MBTPS1: variants seen among roughly 807,000 people sequenced by gnomAD.
MBTPS1 encodes the protein membrane bound transcription factor peptidase, site 1.
A neutral mutation model predicts 127.8 loss-of-function variants in MBTPS1; 94 were observed. The observed-to-expected ratio is 0.74, with a 90% CI of 0.62 to 0.87. MBTPS1 has a LOEUF of 0.87. MBTPS1 is among the 40% of genes least tolerant of loss of function. The probability of loss-of-function intolerance (pLI) is 0.00; values close to 1 mark genes in which losing one functional copy is unlikely to be tolerated. For synonymous variants in MBTPS1, 632 were observed against 509.4 expected (o/e 1.24, Z -3.24); for missense variants, 1,636 against 1,353.2 (o/e 1.21, Z -3.28).
intron 20 of MBTPS1, chr16:84,060,468 A>G (rs2085592824): frequency 3.8e-6 from 2 of 521,198 alleles, no homozygotes; most frequent in Non-Finnish European, 6.8e-6. Context: ...GCAGCTGCAC[A>G]CTGGGTCCTC....
intron 22 of MBTPS1, among the ~76,000 whole-genome samples, chr16:84,055,184 C>T (rs920770351): frequency 1.3e-5 from 2 of 152,182 alleles, no homozygotes; most frequent in African/African-American, 4.8e-5. Context: ...AATGTCAATA[C>T]GACTGGGCAA....
At chr16:84,105,675 AG>A (rs993815636) in intron 1 of MBTPS1, among the ~76,000 whole-genome samples, 2 of 152,150 alleles carry the variant, frequency 1.3e-5, no homozygotes, top group African/African-American at 4.8e-5. Context: ...CTGAAAGACG[AG>A]GGGGGAAGAG....
chr16:84,055,919 TG>T (rs2085514553), intron 22 of MBTPS1, 85 bp downstream of exon 22: 1 of 1,423,896 alleles, frequency 7.0e-7, no homozygotes, highest in Non-Finnish European at 9.4e-7. Context: ...AGGGAGAGTC[TG>T]GCCCGCCTCC....
intron 1 of MBTPS1, among the ~76,000 whole-genome samples, chr16:84,112,676 A>C (rs1034640721): frequency 4.0e-5 from 6 of 149,802 alleles, no homozygotes; most frequent in Non-Finnish European, 3.0e-5. Context: ...AAAACAAAAA[A>C]AAACAAAAAA....
At chr16:84,072,601 C>G (rs1014723122) in intron 12 of MBTPS1, among the ~76,000 whole-genome samples, 1 of 152,156 alleles carries the variant, frequency 6.6e-6, no homozygotes, top group Middle Eastern at 3.2e-3. Context: ...ACCATCCTGG[C>G]TAACATGGTG....
At position 84,089,033 on chromosome 16, in the gene MBTPS1, G is replaced by A. The variant is rs1447544280; in HGVS notation, c.1032-1573C>T. Among the ~76,000 whole-genome samples, 4 of 152,252 alleles carry A rather than the reference G, an allele frequency of 2.6e-5. No individual in the cohort carries two copies. The South Asian group carries it at 8.3e-4, about 32-fold the overall frequency. The stretch of plus-strand genomic sequence containing the variant: ...TGCAACCACCCACAAAAGCCACAGG[G>A]TTTCAGAACGGCAGCCAGCGTGTGA... On this transcript the variant is annotated intron_variant, in intron 8 of 22. Transcript: ENST00000343411.
chr16:84,061,907 C>A (rs1407775404), intron 19 of MBTPS1, among the ~76,000 whole-genome samples: 1 of 152,104 alleles, frequency 6.6e-6, no homozygotes, highest in Non-Finnish European at 1.5e-5. Context: ...AAGTACTTTC[C>A]TCTCATTAAA....
At chr16:84,086,930 A>G (rs1199632392) in intron 9 of MBTPS1, among the ~76,000 whole-genome samples, 1 of 152,138 alleles carries the variant, frequency 6.6e-6, no homozygotes, top group Non-Finnish European at 1.5e-5. Context: ...AGCAGAGTTG[A>G]TATTAAGCTG....
In MBTPS1 at chr16:84,059,316, G is replaced by C. The variant is rs145259105; in HGVS notation, c.2817C>G (p.Asn939Lys). The change falls in exon 21 of 23, where the codon AAC (asparagine) becomes AAG (lysine). Residue 939 changes from asparagine (N) to lysine (K), a missense_variant. Coordinates refer to ENST00000343411, the MANE Select transcript of MBTPS1 (RefSeq NM_003791.4). ...RLSWAKPQPL[N>K]ETAPSNLWKH... ...CGGACACTAACCTGGGCGCCGTCTC[G>C]TTTAAAGGCTGTGGCTTGGCCCAAG... 5.6e-6 allele frequency: 9 copies of C among 1,613,914 alleles called. No individual in the cohort carries two copies. The highest frequency in any genetic ancestry group is 6.8e-6 in the Non-Finnish European group (8 of 1,179,830).
At chr16:84,071,922 C>T (rs917872227) in intron 12 of MBTPS1, 1 of 152,168 alleles carries the variant, frequency 6.6e-6, no homozygotes, top group Admixed American at 6.6e-5. Flanking sequence ...ACGAAATCAA[C>T]GTGTAACTCA....
At chr16:84,091,656 C>T (rs1381556110) in intron 7 of MBTPS1, 76 bp downstream of exon 7, 4 of 960,790 alleles carry the variant, frequency 4.2e-6, no homozygotes, top group African/African-American at 1.6e-5. Flanking sequence ...CACCAACACA[C>T]TAGATATGAT....
chr16:84,074,669 A>G lies in MBTPS1; in HGVS notation c.1521T>C (p.Tyr507=). Reference sequence around the variant, plus strand: ...CATTAACAACTGTCGGCATTCCTCCATAGTAGATGGGCTGGGAGCAGTAGG... The same window carrying G: ...CATTAACAACTGTCGGCATTCCTCCGTAGTAGATGGGCTGGGAGCAGTAGG... ...MWPYCSQPIY[Y]GGMPTVVNVT... is the part of the protein sequence containing the mutation. The change falls in exon 12 of 23, where the codon TAT becomes TAC. Residue 507 remains tyrosine (Y), a synonymous_variant. Transcript: ENST00000343411. 6.2e-7 allele frequency: 1 copy of G among 1,614,118 alleles called. No homozygotes were observed. The highest frequency in any genetic ancestry group is 8.5e-7 in the Non-Finnish European group (1 of 1,179,968).
At chr16:84,064,966 G>C (rs1259538415) in intron 18 of MBTPS1, among the ~76,000 whole-genome samples, 1 of 152,016 alleles carries the variant, frequency 6.6e-6, no homozygotes, top group Non-Finnish European at 1.5e-5. Flanking sequence ...GAAGGGAGGG[G>C]GCCTCTCATT....
In MBTPS1 at chr16:84,056,080, G is replaced by A; in HGVS notation, c.2887C>T (p.Pro963Ser). Residue 963 changes from proline (P) to serine (S), a missense_variant, in exon 22 of 23, where the codon CCC (proline) becomes TCC (serine). Transcript: ENST00000343411. ...TGAGGGCGATTCGATCGAAAGTTGG[G>A]TAACACCACCTTGTCCAGGTCAATG... ...LSIDLDKVVL[P>S]NFRSNRPQVR... 1 of 1,614,072 alleles carries A rather than the reference G, an allele frequency of 6.2e-7. No individual in the cohort carries two copies. The highest frequency in any genetic ancestry group is 8.5e-7 in the Non-Finnish European group (1 of 1,179,910).
chr16:84,113,142 C>G (rs1203638985), intron 1 of MBTPS1, among the ~76,000 whole-genome samples: 2 of 152,130 alleles, frequency 1.3e-5, no homozygotes, highest in African/African-American at 4.8e-5. Context: ...TACTTGCCAG[C>G]CTAAGGAAAA....
chr16:84,096,262 G>A (rs1012022467), intron 3 of MBTPS1, among the ~76,000 whole-genome samples: 8 of 152,042 alleles, frequency 5.3e-5, no homozygotes, highest in African/African-American at 1.9e-4. Context: ...ATATCAACAG[G>A]ACTTAAAACA....
rs559076359 is a variant in MBTPS1 at position 84,093,425 on chromosome 16, T to C, written c.737-128A>G. The stretch of plus-strand genomic sequence containing the variant: ...CTGGATAGAGGAGGGCCTCTGCTGC[T>C]GCTCTACGATCCCCTTAGACGTCAC... On this transcript the variant is annotated intron_variant, in intron 5 of 22. Transcript: ENST00000343411. 8.6e-6 allele frequency: 6 copies of C among 693,772 alleles called. No individual in the cohort carries two copies. The African/African-American group carries it at 8.8e-5, about 10-fold the overall frequency. The allele number at this position is 693,772 out of a possible 1,614,324, so 43.0% of individuals were successfully genotyped here.
rs2086170602 is a variant in MBTPS1 at position 84,095,756 on chromosome 16, T to C, written c.471A>G (p.Gln157=). 5 of 1,614,118 alleles carry C rather than the reference T, an allele frequency of 3.1e-6. No homozygotes were observed. Among genetic ancestry groups the C allele is most frequent in the East Asian group, 2.2e-5 (1 of 44,884 alleles). The change falls in exon 4 of 23, where the codon CAA becomes CAG. Residue 157 remains glutamine, a synonymous_variant. Transcript: ENST00000343411. ...TGGCTCTTCGCAGGGGACGTGATGA[T>C]TGCCACTTCTGGCTCCACCGGGTTT... ...CNETRWSQKW[Q]SSRPLRRASL...
intron 1 of MBTPS1, among the ~76,000 whole-genome samples, chr16:84,110,494 T>C (rs2086383203): frequency 6.6e-6 from 1 of 152,180 alleles, no homozygotes; most frequent in Non-Finnish European, 1.5e-5. Flanking sequence ...CCTTTTAGAA[T>C]GGCAATTTTC....
Sources: gnomAD v4.1 joint callset for allele counts (sites outside exome capture counted in the v4.1 genomes callset) on GRCh38, gnomAD v4.1.1 for gene constraint, MANE v1.5 for transcripts, NCBI Gene and HGNC (gene_info 2026-07-23, HGNC 2026-07-21) for gene names.